The following CTNNA2 variants were observed in gnomAD, a reference collection of about 807,000 sequenced individuals.
CTNNA2 encodes catenin alpha 2, also known as catenin alpha-2.
CTNNA2 carries 42 observed loss-of-function variants against 101.0 expected under a neutral mutation model. That is an observed-to-expected ratio of 0.42 (90% confidence interval 0.32 to 0.54). The LOEUF (loss-of-function observed/expected upper bound fraction) is 0.54, where lower values mean the gene tolerates loss of function less well. Ranked by LOEUF, CTNNA2 falls within the 20% of genes least tolerant of loss-of-function variation. CTNNA2 has a pLI of 0.14. For synonymous variants in CTNNA2, 450 were observed against 456.4 expected, an observed-to-expected ratio of 0.99 and a Z score of 0.18; for missense variants, 871 against 1,223.1, an observed-to-expected ratio of 0.71 and a Z score of 4.29.
At chr2:79,573,888 T>C (rs184066783) in intron 1 of CTNNA2, 1 of 152,418 alleles carries the variant, frequency 6.6e-6, no homozygotes, top group African/African-American at 2.4e-5. Flanking sequence ...TTAAGAGCAG[T>C]GTGGATTCTT....
chr2:79,873,434 CA>C (rs1310093602), intron 5 of CTNNA2, among the ~76,000 whole-genome samples: 4 of 151,942 alleles, frequency 2.6e-5, no homozygotes, highest in South Asian at 2.1e-4. Flanking sequence ...AATATATGCT[CA>C]AAAAATACAG....
chr2:80,047,417 G>A (rs2104312217), intron 7 of CTNNA2, among the ~76,000 whole-genome samples: 1 of 152,278 alleles, frequency 6.6e-6, no homozygotes, highest in South Asian at 2.1e-4. Flanking sequence ...GCAAAACTCT[G>A]CTAACACACA....
intron 7 of CTNNA2, among the ~76,000 whole-genome samples, chr2:80,043,119 C>T (rs1417024714): frequency 1.9e-5 from 1 of 52,004 alleles, no homozygotes; most frequent in African/African-American, 5.5e-5. Flanking sequence ...CTCTTTCTTT[C>T]TCCTTCCTTC....
chr2:80,488,077 T>C lies in CTNNA2; in HGVS notation c.1291-56905T>C, dbSNP rs74715661. Among the ~76,000 whole-genome samples, 57 of 152,328 alleles carry C rather than the reference T, an allele frequency of 3.7e-4. No individual in the cohort carries two copies. In the East Asian group the frequency reaches 0.011, roughly 28 times the overall value. On this transcript the variant is annotated intron_variant, in intron 9 of 18. Transcript: ENST00000402739. ...CAATGGCTAAAGCAAGTATTTGGAA[T>C]CCTATACCTTATTTGCAATTTTCGA...
At chr2:80,559,758 G>A (rs369480448) in intron 12 of CTNNA2, among the ~76,000 whole-genome samples, 3 of 151,912 alleles carry the variant, frequency 2.0e-5, no homozygotes, top group African/African-American at 7.3e-5. Context: ...ATAACAAATT[G>A]CCAAACAGCT....
chr2:80,005,173 A>G (rs1302512078), intron 7 of CTNNA2, among the ~76,000 whole-genome samples: 1 of 152,196 alleles, frequency 6.6e-6, no homozygotes, highest in Non-Finnish European at 1.5e-5. Flanking sequence ...TCTGGCATAG[A>G]GCACAGACTC....
intron 2 of CTNNA2, among the ~76,000 whole-genome samples, chr2:79,274,931 G>A (rs1124076): frequency 0.68 from 102,761 of 151,842 alleles, 35,506 homozygotes; most frequent in East Asian, 0.81. Flanking sequence ...TCCCTCACCC[G>A]CATCAAGGAT....
At position 79,285,108 on chromosome 2, in the gene CTNNA2, C is replaced by T. The variant is rs768032375; in HGVS notation, c.-405-27601C>T. Among the ~76,000 whole-genome samples, 1,282 of 150,996 alleles carry T rather than the reference C, an allele frequency of 8.5e-3. 4 individuals carry two copies. Among genetic ancestry groups the T allele is most frequent in the Non-Finnish European group, 0.013 (910 of 67,806 alleles). On this transcript the variant is annotated intron_variant, in intron 2 of 21. Transcript: ENST00000466387. Reference sequence around the variant, plus strand: ...ATTTCTGTGGGATCGGTGGTGATATCCCCTTTATCATTTTTTATTGTGTCT... The same window carrying T: ...ATTTCTGTGGGATCGGTGGTGATATTCCCTTTATCATTTTTTATTGTGTCT...
In CTNNA2 at chr2:80,598,464, A is replaced by T. The variant is rs545553258; in HGVS notation, c.2190-5610A>T. Reference sequence around the variant, plus strand: ...CACATAGCGTAGAACTTAAAGTATAAAAAAAAAAAGAATCTCAAAAAACTA... The same window carrying T: ...CACATAGCGTAGAACTTAAAGTATATAAAAAAAAAGAATCTCAAAAAACTA... On this transcript the variant is annotated intron_variant, in intron 15 of 18. Transcript: ENST00000402739. Among the ~76,000 whole-genome samples, 46 of 149,372 alleles carry T rather than the reference A, an allele frequency of 3.1e-4. No homozygotes were observed. The South Asian group carries it at 4.5e-3, about 15-fold the overall frequency.
chr2:80,541,311 GGAGTACGTTGCAGA>G (rs1354674033), intron 9 of CTNNA2, among the ~76,000 whole-genome samples: 1 of 152,178 alleles, frequency 6.6e-6, no homozygotes, highest in East Asian at 1.9e-4. Context: ...TTAAATAGCA[GGAGTACGTTGCAGA>G]GTATAGGCTG....
chr2:79,707,383 G>T (rs978130841), intron 2 of CTNNA2, among the ~76,000 whole-genome samples: 3 of 152,134 alleles, frequency 2.0e-5, no homozygotes, highest in Non-Finnish European at 4.4e-5. Flanking sequence ...TTTTCTGAGG[G>T]CATGTCTGTG....
At chr2:79,354,420 G>A (rs1426704522) in intron 3 of CTNNA2, among the ~76,000 whole-genome samples, 4 of 152,028 alleles carry the variant, frequency 2.6e-5, no homozygotes, top group African/African-American at 9.7e-5. Flanking sequence ...TTGATTCAAA[G>A]GACATGTCTT....
chr2:79,597,680 A>G (rs900032293), intron 1 of CTNNA2, among the ~76,000 whole-genome samples: 12 of 152,126 alleles, frequency 7.9e-5, no homozygotes, highest in Non-Finnish European at 1.3e-4. Context: ...CAGAAATTAT[A>G]GAGAGTTACC....
intron 7 of CTNNA2, among the ~76,000 whole-genome samples, chr2:79,962,525 C>T (rs2104536564): frequency 6.6e-6 from 1 of 152,262 alleles, no homozygotes. Context: ...TCTTTCCTGT[C>T]ACTTTTACCA....
chr2:80,395,065 T>TTACTA (rs1677881239), intron 8 of CTNNA2, among the ~76,000 whole-genome samples: 1 of 152,170 alleles, frequency 6.6e-6, no homozygotes, highest in African/African-American at 2.4e-5. Context: ...TAGAAATGAA[T>TTACTA]GAAAAAGTAA....
In CTNNA2 at chr2:80,125,795, A is replaced by C. The variant is rs112783087; in HGVS notation, c.1056+215998A>C. 9.4e-3 allele frequency among the ~76,000 whole-genome samples: 1,425 copies of C among 152,256 alleles called. 19 individuals carry two copies. Among genetic ancestry groups the C allele is most frequent in the African/African-American group, 0.027 (1,112 of 41,558 alleles). ...CTTAATGCTTTGTGGCACCATCCCT[A>C]ATCTCTGCAGCCTGCTACAATGGAA... On this transcript the variant is annotated intron_variant, in intron 7 of 18. Coordinates refer to ENST00000402739, the MANE Select transcript of CTNNA2 (RefSeq NM_001282597.3).
At chr2:80,231,497 G>C (rs1477333828) in intron 7 of CTNNA2, among the ~76,000 whole-genome samples, 1 of 152,166 alleles carries the variant, frequency 6.6e-6, no homozygotes, top group African/African-American at 2.4e-5. Context: ...AATCAGCTGG[G>C]TGGACCCCTC....
rs6744087 is a variant in CTNNA2, at chr2:80,296,657, A to G, written c.1057-96554A>G. ...CCTTGTAAAGCTGAAGCACAGCATG[A>G]TGCTTTAGATAGCACCATTACTTTC... is the stretch of plus-strand genomic sequence containing the variant. On this transcript the variant is annotated intron_variant, in intron 7 of 18. Transcript: ENST00000402739. Among the ~76,000 whole-genome samples the G allele has an allele frequency of 2.3e-3, 347 of 152,344 alleles. 1 individual carries two copies. Among genetic ancestry groups the G allele is most frequent in the African/African-American group, 8.1e-3 (336 of 41,586 alleles).
rs149841304 is a variant in CTNNA2 at position 79,320,800 on chromosome 2, A to G, written c.-318+8004A>G. Among the ~76,000 whole-genome samples, 129 of 152,290 alleles carry G rather than the reference A, an allele frequency of 8.5e-4. 1 individual carries two copies. The highest frequency in any genetic ancestry group is 2.9e-3 in the African/African-American group (119 of 41,562). Reference sequence around the variant, plus strand: ...GCACCAGCCTGACGAATCCATAAGAACAGGAACAACATGAAAGTACTGAGG... The same window carrying G: ...GCACCAGCCTGACGAATCCATAAGAGCAGGAACAACATGAAAGTACTGAGG... On this transcript the variant is annotated intron_variant, in intron 3 of 21. Coordinates refer to the CTNNA2 transcript ENST00000466387.
Sources: allele counts gnomAD v4.1 joint callset (sites outside exome capture counted in the v4.1 genomes callset), GRCh38; gene constraint gnomAD v4.1.1; transcripts MANE v1.5; gene names NCBI Gene and HGNC (gene_info 2026-07-23, HGNC 2026-07-21).